The following RASEF variants were observed in gnomAD, a reference collection of about 807,000 sequenced individuals.
The protein encoded by RASEF is RAS and EF-hand domain containing, also known as ras and EF-hand domain-containing protein.
In RASEF, 68 loss-of-function variants were observed where a neutral mutation model predicts 90.1. The ratio of observed to expected loss-of-function variants is 0.75; its 90% confidence interval spans 0.62 to 0.92. RASEF has a LOEUF of 0.92. Among genes scored for constraint, RASEF ranks in the 40% least tolerant of loss-of-function variants. The pLI is 0.00. For missense variants in RASEF, 949 were observed against 937.2 expected, an observed-to-expected ratio of 1.01 and a Z score of -0.16; for synonymous variants, 331 against 345.2, an observed-to-expected ratio of 0.96 and a Z score of 0.46.
the RASEF span, among the ~76,000 whole-genome samples, chr9:83,131,102 C>T: frequency 6.6e-6 from 1 of 152,140 alleles, no homozygotes; most frequent in Non-Finnish European, 1.5e-5. Flanking sequence ...TCTCCTGGGT[C>T]CTTTCTAACT....
At chr9:83,016,515 C>G (rs1461856580) in intron 3 of RASEF, among the ~76,000 whole-genome samples, 1 of 152,008 alleles carries the variant, frequency 6.6e-6, no homozygotes, top group African/African-American at 2.4e-5. Context: ...ATAAATGATA[C>G]AATTTTATAT....
intron 3 of RASEF, among the ~76,000 whole-genome samples, chr9:83,017,218 G>A (rs2118534458): frequency 6.6e-6 from 1 of 151,930 alleles, no homozygotes; most frequent in East Asian, 1.9e-4. Flanking sequence ...AGGCATGGTG[G>A]CTCATGACTG....
At chr9:83,011,725 C>T (rs570314073) in intron 5 of RASEF, among the ~76,000 whole-genome samples, 1 of 151,440 alleles carries the variant, frequency 6.6e-6, no homozygotes, top group South Asian at 2.1e-4. Flanking sequence ...AAAAATCAAC[C>T]AGAAAATCCA....
the RASEF span, among the ~76,000 whole-genome samples, chr9:83,174,419 T>C: frequency 1.4e-4 from 22 of 152,274 alleles, no homozygotes; most frequent in Admixed American, 1.2e-3. Context: ...TCTTTCTTCA[T>C]TGAATTAATA....
At chr9:83,024,419 G>C (rs1829502206) in intron 2 of RASEF, among the ~76,000 whole-genome samples, 1 of 152,126 alleles carries the variant, frequency 6.6e-6, no homozygotes, top group African/African-American at 2.4e-5. Context: ...GTGTGGGTCT[G>C]TGTATGTGTA....
intron 1 of RASEF, among the ~76,000 whole-genome samples, chr9:83,036,296 G>A (rs1052036766): frequency 1.3e-5 from 2 of 152,174 alleles, no homozygotes; most frequent in Admixed American, 6.5e-5. Flanking sequence ...CAGCTGCCTC[G>A]GCCAACCACC....
chr9:83,072,900 A>G, the RASEF span, among the ~76,000 whole-genome samples: 254 of 152,294 alleles, frequency 1.7e-3, 4 homozygotes, highest in African/African-American at 5.9e-3. Context: ...TTGGCACTCA[A>G]CCATCACAGC....
chr9:82,983,099 G>T (rs1267153797), intron 16 of RASEF, among the ~76,000 whole-genome samples: 1 of 139,258 alleles, frequency 7.2e-6, no homozygotes, highest in Non-Finnish European at 1.5e-5. Context: ...TGTTTTCTGA[G>T]TACCAGGCCA....
chr9:82,999,652 G>A (rs979075474), intron 12 of RASEF, among the ~76,000 whole-genome samples: 1 of 150,780 alleles, frequency 6.6e-6, no homozygotes, highest in Non-Finnish European at 1.5e-5. Flanking sequence ...CACCCAGGCT[G>A]AAGTGCAGTG....
chr9:82,996,864 G>C (rs766884998), intron 14 of RASEF, 148 bp downstream of exon 14: 1 of 592,920 alleles, frequency 1.7e-6, no homozygotes, highest in Non-Finnish European at 3.0e-6. Flanking sequence ...AATGCTGCCA[G>C]TTCTGCCTGT....
Position 82,980,218 on chromosome 9 carries a change from T to C in RASEF, c.*2459A>G, listed in dbSNP as rs1319885090. ...TAACTTCCATAGTAATATGCAAATGTATCAAGTCTAAGATAAAAACATTAA... is the reference window on the plus strand; with the variant it reads ...TAACTTCCATAGTAATATGCAAATGCATCAAGTCTAAGATAAAAACATTAA... On this transcript the variant is annotated 3_prime_UTR_variant, in exon 17 of 17. Transcript: ENST00000376447. 9.4e-6 allele frequency: 1 copy of C among 106,412 alleles called. No individual in the cohort carries two copies. The highest frequency in any genetic ancestry group is 2.0e-5 in the Non-Finnish European group (1 of 50,438). 6.6% of individuals were successfully genotyped at this position (106,412 alleles called of 1,614,324 possible).
chr9:83,067,796 A>C (rs1302747182), upstream of RASEF, among the ~76,000 whole-genome samples: 3 of 152,184 alleles, frequency 2.0e-5, no homozygotes, highest in African/African-American at 7.2e-5. Flanking sequence ...AACTCATGTC[A>C]TTTTCCCACA....
intron 1 of RASEF, among the ~76,000 whole-genome samples, chr9:83,062,014 A>T (rs571341924): frequency 6.6e-6 from 1 of 152,360 alleles, no homozygotes; most frequent in East Asian, 1.9e-4. Flanking sequence ...ACGACAAATC[A>T]GAAAACTATT....
chr9:83,119,709 AATTCCCAAGT>A, the RASEF span, among the ~76,000 whole-genome samples: 1 of 152,126 alleles, frequency 6.6e-6, no homozygotes, highest in East Asian at 1.9e-4. Context: ...TAGCTCCCAT[AATTCCCAAGT>A]GCTATGGGAG....
At chr9:83,005,654 G>A (rs903776840) in intron 7 of RASEF, among the ~76,000 whole-genome samples, 154 bp from the exon 8 acceptor site, 2 of 152,162 alleles carry the variant, frequency 1.3e-5, no homozygotes, top group Admixed American at 6.5e-5. Flanking sequence ...CTCAAAAACT[G>A]AGATAATTCA....
chr9:83,089,929 GA>G, the RASEF span, among the ~76,000 whole-genome samples: 8 of 150,356 alleles, frequency 5.3e-5, no homozygotes, highest in African/African-American at 1.9e-4. Context: ...TAGATAGATA[GA>G]TAGATAGATA....
chr9:83,033,841 T>G (rs1428404745), intron 1 of RASEF, among the ~76,000 whole-genome samples: 1 of 152,170 alleles, frequency 6.6e-6, no homozygotes, highest in Admixed American at 6.5e-5. Flanking sequence ...ATTATTTCTC[T>G]TTTTGGGTAA....
chr9:83,122,477 A>G, the RASEF span, among the ~76,000 whole-genome samples: 1 of 152,098 alleles, frequency 6.6e-6, no homozygotes, highest in Non-Finnish European at 1.5e-5. Context: ...TAAAGCTAGT[A>G]TATTTCTCTG....
intron 1 of RASEF, among the ~76,000 whole-genome samples, chr9:83,038,712 C>T (rs1178634536): frequency 6.6e-6 from 1 of 152,058 alleles, no homozygotes; most frequent in Non-Finnish European, 1.5e-5. Flanking sequence ...TTGACTAGAA[C>T]TAGTACATAG....
Sources: gnomAD v4.1 joint callset for allele counts (sites outside exome capture counted in the v4.1 genomes callset) on GRCh38, gnomAD v4.1.1 for gene constraint, MANE v1.5 for transcripts, NCBI Gene and HGNC (gene_info 2026-07-23, HGNC 2026-07-21) for gene names.